MSI1: variants seen among roughly 807,000 people sequenced by gnomAD.
MSI1 encodes the protein musashi RNA binding protein 1, also known as RNA-binding protein Musashi homolog 1.
In MSI1, 15 loss-of-function variants were observed where a neutral mutation model predicts 54.4. The ratio of observed to expected loss-of-function variants is 0.28; its 90% confidence interval spans 0.18 to 0.42. The LOEUF (loss-of-function observed/expected upper bound fraction) is 0.42. Among genes scored for constraint, MSI1 ranks in the 20% least tolerant of loss-of-function variants. The pLI is 1.00. For missense variants in MSI1, 304 were observed against 506.0 expected, an observed-to-expected ratio of 0.60 and a Z score of 3.83; for synonymous variants, 200 against 196.5, an observed-to-expected ratio of 1.02 and a Z score of -0.15.
At chr12:120,361,091 G>A (rs1875594121) in intron 6 of MSI1, among the ~76,000 whole-genome samples, 1 of 152,122 alleles carries the variant, frequency 6.6e-6, no homozygotes, top group Non-Finnish European at 1.5e-5. Context: ...CGGGGGGAAC[G>A]TGGCAAAGCT....
Position 120,363,099 on chromosome 12 carries a change from G to GC in MSI1, c.345dup (p.Leu116AlafsTer15), listed in dbSNP as rs748469666. ...TCCTCCACCGTGGTGTTCACCGACA[G>GC]CCCCCCCACAAAGATCTTCTTCGTT... On this transcript the variant is annotated frameshift_variant, in exon 6 of 15. Coordinates refer to ENST00000257552, the MANE Select transcript of MSI1 (RefSeq NM_002442.4). LOFTEE classifies it high-confidence loss of function. The GC allele has an allele frequency of 1.9e-6, 3 of 1,613,830 alleles. No individual in the cohort carries two copies. The highest frequency in any genetic ancestry group is 1.7e-6 in the Non-Finnish European group (2 of 1,179,954).
downstream of MSI1, among the ~76,000 whole-genome samples, chr12:120,339,890 C>T (rs1255421365): frequency 6.6e-6 from 1 of 151,306 alleles, no homozygotes; most frequent in Non-Finnish European, 1.5e-5. Flanking sequence ...GAAATCCTCC[C>T]ATCTCAGCCT....
Position 120,353,375 on chromosome 12 carries a change from G to A in MSI1, c.657C>T (p.Tyr219=), listed in dbSNP as rs1296102998. The A allele has an allele frequency of 1.2e-6, 2 of 1,613,958 alleles. No homozygotes were observed. The highest frequency in any genetic ancestry group is 1.7e-6 in the Non-Finnish European group (2 of 1,179,966). ...AFMLGIGMLG[Y]PGFQATTYAS... is the part of the protein sequence containing the mutation. ...CGTAGGTTGTGGCTTGGAAACCTGGGTAACCTGATGGGGCAAGGGGGCAGT... is the reference window on the plus strand; with the variant it reads ...CGTAGGTTGTGGCTTGGAAACCTGGATAACCTGATGGGGCAAGGGGGCAGT... The change falls in exon 10 of 15, where the codon TAC becomes TAT. Residue 219 remains tyrosine (Y), a synonymous_variant. Coordinates refer to ENST00000257552, the MANE Select transcript of MSI1 (RefSeq NM_002442.4).
At position 120,345,579 on chromosome 12, in the gene MSI1, C is replaced by G; in HGVS notation, c.*12G>C. On this transcript the variant is annotated 3_prime_UTR_variant, in exon 14 of 15. Coordinates refer to ENST00000257552, the MANE Select transcript of MSI1 (RefSeq NM_002442.4). The stretch of plus-strand genomic sequence containing the variant: ...ACCCCCACATCCTCACCTCCTGCCA[C>G]CGTCCCCTGCTTCAGTGGTACCCAT... The G allele has an allele frequency of 6.2e-7, 1 of 1,613,818 alleles. No individual in the cohort carries two copies. Among genetic ancestry groups the G allele is most frequent in the Non-Finnish European group, 8.5e-7 (1 of 1,179,926 alleles).
intron 14 of MSI1, among the ~76,000 whole-genome samples, chr12:120,344,004 G>T (rs529026792): frequency 1.3e-5 from 2 of 152,082 alleles, no homozygotes; most frequent in African/African-American, 4.8e-5. Context: ...TTACAAGTGC[G>T]CACCATCACG....
rs746446964 is a variant in MSI1, at chr12:120,357,004, C to A, written c.550G>T (p.Ala184Ser). ...INNKMVECKK[A>S]QPKEVMSPTG... ...GGCGACATCACCTCCTTTGGCTGAGCTTTCTTACATTCCACCTGCAATGAG... is the reference window on the plus strand; with the variant it reads ...GGCGACATCACCTCCTTTGGCTGAGATTTCTTACATTCCACCTGCAATGAG... Residue 184 changes from alanine to serine, a missense_variant, in exon 9 of 15, where the codon GCT (alanine) becomes TCT (serine). Transcript: ENST00000257552. The A allele has an allele frequency of 1.9e-6, 3 of 1,614,254 alleles. No individual in the cohort carries two copies. The South Asian group carries it at 3.3e-5, about 18-fold the overall frequency.
Position 120,368,846 on chromosome 12 carries a change from C to T in MSI1, c.87G>A (p.Trp29Ter). The change falls in exon 2 of 15, where the codon TGG becomes TGA. Residue 29 changes from tryptophan to a stop codon, truncating the protein, a stop_gained. Coordinates refer to ENST00000257552, the MANE Select transcript of MSI1 (RefSeq NM_002442.4). LOFTEE classifies it high-confidence loss of function. The surrounding 1 kb of genome is among the most constrained non-coding windows in gnomAD (Gnocchi z 6.6). ...PCKMFIGGLS[W>*]QTTQEGLREY... is the part of the protein sequence containing the mutation. Reference sequence around the variant, plus strand: ...GGGCTCGCTCACCCTGCGTAGTCTGCCAACTGAGTCCCCCGATGAACATCT... The same window carrying T: ...GGGCTCGCTCACCCTGCGTAGTCTGTCAACTGAGTCCCCCGATGAACATCT... The T allele has an allele frequency of 6.8e-7, 1 of 1,466,304 alleles. No homozygotes were observed. Among genetic ancestry groups the T allele is most frequent in the Non-Finnish European group, 9.1e-7 (1 of 1,098,820 alleles). The allele number at this position is 1,466,304 out of a possible 1,614,324, so 90.8% of individuals were successfully genotyped here. A position where few individuals can be genotyped will look rare whatever the true frequency, so the allele number is the denominator to read the frequency against.
At chr12:120,344,099 G>A (rs1271048784) in intron 14 of MSI1, among the ~76,000 whole-genome samples, 2 of 152,016 alleles carry the variant, frequency 1.3e-5, no homozygotes, top group African/African-American at 4.8e-5. Flanking sequence ...CAGGTGATCC[G>A]CCTGCCTTGG....
chr12:120,362,984 T>C, intron 6 of MSI1, 59 bp downstream of exon 6: 1 of 1,398,950 alleles, frequency 7.1e-7, no homozygotes, highest in Admixed American at 1.7e-5. Flanking sequence ...GGCTTGCTAG[T>C]GCCCCATTCT....
At chr12:120,344,711 AAAT>A (rs1049397131) in intron 14 of MSI1, among the ~76,000 whole-genome samples, 2 of 145,184 alleles carry the variant, frequency 1.4e-5, no homozygotes, top group African/African-American at 5.2e-5. Flanking sequence ...TCTCTATTAA[AAAT>A]AATAATAATA....
chr12:120,363,843 G>T (rs1379956173), intron 5 of MSI1, among the ~76,000 whole-genome samples: 1 of 152,184 alleles, frequency 6.6e-6, no homozygotes, highest in Non-Finnish European at 1.5e-5. Flanking sequence ...AGCCCTGGCA[G>T]GAGTTGGGGG....
chr12:120,356,018 C>T (rs534943246), intron 9 of MSI1, among the ~76,000 whole-genome samples: 1 of 152,282 alleles, frequency 6.6e-6, no homozygotes, highest in South Asian at 2.1e-4. Context: ...AGATTTACCA[C>T]CCTCAGTCTT....
chr12:120,359,158 C>T, intron 6 of MSI1, 105 bp from the exon 7 acceptor site: 1 of 1,392,986 alleles, frequency 7.2e-7, no homozygotes, highest in Non-Finnish European at 9.9e-7. Flanking sequence ...CCACTCCAGG[C>T]TTGACCTTCA....
intron 11 of MSI1, among the ~76,000 whole-genome samples, chr12:120,348,880 C>T (rs1874366675): frequency 6.6e-6 from 1 of 151,742 alleles, no homozygotes; most frequent in Admixed American, 6.6e-5. Flanking sequence ...GCAACAAGAG[C>T]ACAACTTCAT....
Position 120,368,815 on chromosome 12 carries a change from G to A in MSI1, c.100+18C>T. ...GGGGTGCCCTGCCGGACCGGCGGGC[G>A]CTCCCGGGCTCGCTCACCCTGCGTA... is the stretch of plus-strand genomic sequence containing the variant. On this transcript the variant is annotated intron_variant, in intron 2 of 14. Coordinates refer to ENST00000257552, the MANE Select transcript of MSI1 (RefSeq NM_002442.4). This position sits in a 1 kb window ranked among gnomAD's most constrained non-coding sequence, Gnocchi z 6.6. The A allele has an allele frequency of 2.8e-6, 4 of 1,408,548 alleles. No homozygotes were observed. The highest frequency in any genetic ancestry group is 2.9e-5 in the South Asian group (2 of 70,006). The allele number at this position is 1,408,548 out of a possible 1,614,324, so 87.3% of individuals were successfully genotyped here.
At chr12:120,367,240 T>C (rs1876070695) in intron 4 of MSI1, among the ~76,000 whole-genome samples, 1 of 152,062 alleles carries the variant, frequency 6.6e-6, no homozygotes. Flanking sequence ...ACACTATCCC[T>C]GCCCCCAGCA....
chr12:120,356,196 C>T (rs987503113), intron 9 of MSI1, among the ~76,000 whole-genome samples: 2 of 152,164 alleles, frequency 1.3e-5, no homozygotes, highest in African/African-American at 4.8e-5. Context: ...TGAAGGAGAG[C>T]CCCATGAGAG....
chr12:120,362,908 T>G, intron 6 of MSI1, 135 bp downstream of exon 6: 1 of 747,890 alleles, frequency 1.3e-6, no homozygotes, highest in African/African-American at 1.7e-5. Flanking sequence ...TGGCCTGGTC[T>G]GCCCCCACAG....
chr12:120,347,308 A>C, intron 12 of MSI1, 138 bp downstream of exon 12: 1 of 1,093,096 alleles, frequency 9.1e-7, no homozygotes, highest in Non-Finnish European at 1.4e-6. Context: ...CCCAGCACAG[A>C]GCAGGTAATC....
Sources: allele counts gnomAD v4.1 joint callset (sites outside exome capture counted in the v4.1 genomes callset), GRCh38; gene constraint gnomAD v4.1.1; non-coding constraint Gnocchi (gnomAD v3.1); transcripts MANE v1.5; gene names NCBI Gene and HGNC (gene_info 2026-07-23, HGNC 2026-07-21).